The following DNAH14 variants were observed in gnomAD, a reference collection of about 807,000 sequenced individuals.
DNAH14 encodes dynein axonemal heavy chain 14, also known as axonemal beta dynein heavy chain 14.
A neutral mutation model predicts 520.9 loss-of-function variants in DNAH14; 478 were observed. The ratio of observed to expected loss-of-function variants is 0.92; its 90% CI spans 0.85 to 0.99. The LOEUF (loss-of-function observed/expected upper bound fraction) is 0.99, where lower values mean the gene tolerates loss of function less well. Ranked by LOEUF, DNAH14 falls within the 50% of genes least tolerant of loss-of-function variation. The pLI, the probability that DNAH14 is intolerant of heterozygous loss-of-function variation, is 0.00. For synonymous variants in DNAH14, 1,581 were observed against 1,757.2 expected (o/e 0.90, Z 2.51); for missense variants, 4,831 against 5,234.5 (o/e 0.92, Z 2.38).
rs777865791 is a variant in DNAH14 at position 225,346,520 on chromosome 1, T to C, written c.11162T>C (p.Ile3721Thr). 92 of 1,551,238 alleles carry C rather than the reference T, an allele frequency of 5.9e-5. No homozygotes were observed. The highest frequency in any genetic ancestry group is 7.7e-5 in the Non-Finnish European group (88 of 1,146,832). The part of the protein sequence containing the change: ...LCFSFRLCTV[I>T]MQNNANGNLI... The stretch of plus-strand genomic sequence containing the variant: ...TTCTCTTTTCGGCTTTGCACTGTAA[T>C]CATGCAAAACAATGCTAATGGAAAT... The change falls in exon 71 of 86, where the codon ATC becomes ACC. Residue 3721 changes from isoleucine (I) to threonine (T), a missense_variant. Coordinates refer to ENST00000682510, the MANE Select transcript of DNAH14 (RefSeq NM_001367479.1).
At chr1:225,384,132 T>C (rs1360314708) in intron 81 of DNAH14, among the ~76,000 whole-genome samples, 1 of 152,196 alleles carries the variant, frequency 6.6e-6, no homozygotes, top group Non-Finnish European at 1.5e-5. Context: ...TCTTTTACAT[T>C]TGCTGAGGAG....
chr1:224,951,128 C>T (rs563561686), intron 1 of DNAH14, among the ~76,000 whole-genome samples: 20 of 152,056 alleles, frequency 1.3e-4, no homozygotes, highest in African/African-American at 2.4e-4. Context: ...TGGGTTCTAG[C>T]GATTTGCCTG....
intron 8 of DNAH14, among the ~76,000 whole-genome samples, chr1:224,997,583 A>G (rs2063480516): frequency 6.6e-6 from 1 of 152,056 alleles, no homozygotes; most frequent in Admixed American, 6.6e-5. Context: ...GGGAGGTAAT[A>G]AAGGCCTGAG....
At chr1:225,186,269 A>G (rs1487862347) in intron 37 of DNAH14, among the ~76,000 whole-genome samples, 1 of 151,762 alleles carries the variant, frequency 6.6e-6, no homozygotes, top group Non-Finnish European at 1.5e-5. Context: ...TTATACATGT[A>G]GTAGTTCATA....
At chr1:225,137,614 C>T (rs543667447) in intron 27 of DNAH14, among the ~76,000 whole-genome samples, 1 of 152,284 alleles carries the variant, frequency 6.6e-6, no homozygotes, top group African/African-American at 2.4e-5. Flanking sequence ...CCTCAGCCTC[C>T]CAGAGTGCTG....
chr1:225,320,664 C>T (rs1408421317), intron 61 of DNAH14, among the ~76,000 whole-genome samples: 6 of 152,130 alleles, frequency 3.9e-5, no homozygotes, highest in Non-Finnish European at 8.8e-5. Flanking sequence ...CAACAATTGC[C>T]CCATGATACT....
Position 225,346,109 on chromosome 1 carries a change from G to A in DNAH14, c.10826G>A (p.Arg3609Gln), listed in dbSNP as rs749464780. Residue 3609 changes from arginine to glutamine, a missense_variant, in exon 70 of 86, where the codon CGA becomes CAA. Coordinates refer to ENST00000682510, the MANE Select transcript of DNAH14 (RefSeq NM_001367479.1). The part of the protein sequence containing the change: ...IRKNYLPIAT[R>Q]GALLYFLVAD... ...AAAAACTATCTCCCCATTGCGACCC[G>A]AGGCGCCCTGCTCTACTTCCTAGTA... The A allele has an allele frequency of 1.3e-5, 20 of 1,551,554 alleles. No individual in the cohort carries two copies. Among genetic ancestry groups the A allele is most frequent in the South Asian group, 1.2e-4 (10 of 84,062 alleles).
In DNAH14 at chr1:225,080,438, C is replaced by T; in HGVS notation, c.2826C>T (p.Ile942=). The change falls in exon 19 of 86, where the codon ATC becomes ATT. Residue 942 remains isoleucine, a synonymous_variant. Transcript: ENST00000682510. The part of the protein sequence containing the change: ...GTQVSTAMEM[I]QTLSGEAASL... ...AAGTGTCAACAGCAATGGAAATGAT[C>T]CAGACTCTCTCAGGGGAAGCTGCAA... 1 of 1,551,184 alleles carries T rather than the reference C, an allele frequency of 6.4e-7. No homozygotes were observed.
intron 36 of DNAH14, among the ~76,000 whole-genome samples, chr1:225,178,399 T>G (rs1227924502): frequency 6.6e-6 from 1 of 152,032 alleles, no homozygotes; most frequent in Non-Finnish European, 1.5e-5. Context: ...GATAAACCCA[T>G]CAGATCTCAT....
At chr1:225,361,766 T>C (rs2095494720) in intron 75 of DNAH14, among the ~76,000 whole-genome samples, 1 of 152,214 alleles carries the variant, frequency 6.6e-6, no homozygotes, top group Non-Finnish European at 1.5e-5. Flanking sequence ...ACGCCTATAG[T>C]CCCAATGCTT....
intron 8 of DNAH14, among the ~76,000 whole-genome samples, chr1:224,986,782 C>G (rs2062675607): frequency 6.6e-6 from 1 of 152,108 alleles, no homozygotes; most frequent in African/African-American, 2.4e-5. Flanking sequence ...AACAAAGATG[C>G]CCATTTTCAC....
rs1206362593 is a variant in DNAH14, at chr1:225,099,468, G to A, written c.3696-1245G>A. Among the ~76,000 whole-genome samples the A allele has an allele frequency of 2.6e-5, 4 of 152,196 alleles. No individual in the cohort carries two copies. In the East Asian group the frequency reaches 7.7e-4, roughly 29 times the overall value. On this transcript the variant is annotated intron_variant, in intron 22 of 85. Coordinates refer to ENST00000682510, the MANE Select transcript of DNAH14 (RefSeq NM_001367479.1). ...CATTTTTACTTGTCACAACTGAGGG[G>A]ATACTACTGGCATCTAGTGGGTATA...
chr1:225,228,862 C>T (rs1024170818), intron 41 of DNAH14, among the ~76,000 whole-genome samples: 1 of 151,954 alleles, frequency 6.6e-6, no homozygotes, highest in South Asian at 2.1e-4. Context: ...CTTGGAAGGC[C>T]GGGGGTTTTG....
At chr1:225,194,101 C>T (rs12567541) in intron 38 of DNAH14, among the ~76,000 whole-genome samples, 47,867 of 151,934 alleles carry the variant, frequency 0.32, 8,728 homozygotes, top group East Asian at 0.61. Flanking sequence ...AGATTCGATA[C>T]TGTTAAAATG....
chr1:225,104,412 G>T (rs2148763399), intron 23 of DNAH14, among the ~76,000 whole-genome samples: 1 of 152,300 alleles, frequency 6.6e-6, no homozygotes, highest in Admixed American at 6.5e-5. Context: ...AATGAGTTAG[G>T]GAGGATTCCC....
chr1:225,332,282 A>G (rs1243925742), intron 65 of DNAH14, among the ~76,000 whole-genome samples: 3 of 152,188 alleles, frequency 2.0e-5, no homozygotes, highest in Admixed American at 6.5e-5. Flanking sequence ...GATTTTATGA[A>G]AACAGACCAA....
At chr1:225,097,633 G>T (rs1294734436) in intron 22 of DNAH14, among the ~76,000 whole-genome samples, 1 of 151,968 alleles carries the variant, frequency 6.6e-6, no homozygotes, top group African/African-American at 2.4e-5. Context: ...AATAAGGTGG[G>T]CGTGGTGGTG....
At chr1:225,238,586 C>T (rs2091763993) in intron 42 of DNAH14, among the ~76,000 whole-genome samples, 1 of 152,176 alleles carries the variant, frequency 6.6e-6, no homozygotes, top group African/African-American at 2.4e-5. Context: ...CTCACCCAGT[C>T]AAGAGGAACA....
intron 46 of DNAH14, among the ~76,000 whole-genome samples, chr1:225,262,277 T>C (rs2092961132): frequency 2.0e-5 from 3 of 152,060 alleles, no homozygotes; most frequent in Admixed American, 2.0e-4. Context: ...AAATATTTTC[T>C]CCCATTCTGT....
Sources: gnomAD v4.1 joint callset for allele counts (sites outside exome capture counted in the v4.1 genomes callset) on GRCh38, gnomAD v4.1.1 for gene constraint, MANE v1.5 for transcripts, NCBI Gene and HGNC (gene_info 2026-07-23, HGNC 2026-07-21) for gene names.